The following DISP3 variants were observed in gnomAD, a reference collection of about 807,000 sequenced individuals.
DISP3 encodes the protein protein dispatched homolog 3.
DISP3 carries 101 observed loss-of-function variants against 135.3 expected under a neutral mutation model. The ratio of observed to expected loss-of-function variants is 0.75; its 90% CI spans 0.64 to 0.88. DISP3 has a LOEUF of 0.88. Ranked by LOEUF, DISP3 falls within the 40% of genes least tolerant of loss-of-function variation. The pLI is 0.00. For synonymous variants in DISP3, 856 were observed against 817.0 expected (o/e 1.05, Z -0.81); for missense variants, 1,713 against 1,878.6 (o/e 0.91, Z 1.63).
chr1:11,513,286 A>AAAAT lies in DISP3; in HGVS notation c.1317-1088_1317-1085dup, dbSNP rs895680459. 2.0e-5 allele frequency among the ~76,000 whole-genome samples: 3 copies of AAAAT among 152,336 alleles called. No individual in the cohort carries two copies. The South Asian group carries it at 6.2e-4, about 32-fold the overall frequency. ...GTGACAAAGTGAGACCCTGGCTCAA[A>AAAAT]AAATAAATAAATAAATAAAATCTCT... On this transcript the variant is annotated intron_variant, in intron 3 of 20. Transcript: ENST00000294484.
chr1:11,485,345 G>A (rs1641009046), intron 1 of DISP3, among the ~76,000 whole-genome samples: 3 of 152,190 alleles, frequency 2.0e-5, no homozygotes, highest in Admixed American at 2.0e-4. Flanking sequence ...AGTGGAGAAG[G>A]CTCACTCCGC....
chr1:11,521,110 C>G (rs1027074566), intron 10 of DISP3, among the ~76,000 whole-genome samples: 2 of 151,966 alleles, frequency 1.3e-5, no homozygotes, highest in Non-Finnish European at 2.9e-5. Context: ...CTCTAGGGCC[C>G]GGTCACTGTA....
In DISP3 at chr1:11,519,994, G is replaced by T; in HGVS notation, c.2200+114G>T. ...CCCCAGGGTCAGAGGCCTGGGCTGG[G>T]GTCTCTCCCTCTCTGACCCCCCCTC... On this transcript the variant is annotated intron_variant, in intron 9 of 20. Coordinates refer to ENST00000294484, the MANE Select transcript of DISP3 (RefSeq NM_020780.2). This position sits in a 1 kb window ranked among gnomAD's most constrained non-coding sequence, Gnocchi z 4.3. The T allele has an allele frequency of 9.3e-7, 1 of 1,070,086 alleles. No individual in the cohort carries two copies. The highest frequency in any genetic ancestry group is 1.3e-6 in the Non-Finnish European group (1 of 753,378). 66.3% of individuals were successfully genotyped at this position (1,070,086 alleles called of 1,614,324 possible).
At chr1:11,517,313 G>A (rs1413517271) in intron 6 of DISP3, 150 bp from the exon 7 acceptor site, 1 of 1,017,388 alleles carries the variant, frequency 9.8e-7, no homozygotes, top group African/African-American at 1.6e-5. Context: ...TGAGGCTAGT[G>A]CCTGGCATTC....
At position 11,525,255 on chromosome 1, in the gene DISP3, C is replaced by T; in HGVS notation, c.2556C>T (p.Ser852=). ...PAVYRLSLNA[S]LPAPWQAVSP... is the part of the protein sequence containing the mutation. ...TCTACAGGCTCTCCCTCAATGCCAG[C>T]CTGCCTGCTCCTTGGCAGGCTGTGT... The change falls in exon 12 of 21, where the codon AGC becomes AGT. Residue 852 remains serine, a synonymous_variant. Transcript: ENST00000294484. 2 of 1,614,100 alleles carry T rather than the reference C, an allele frequency of 1.2e-6. No homozygotes were observed. The highest frequency in any genetic ancestry group is 1.7e-6 in the Non-Finnish European group (2 of 1,179,970).
intron 10 of DISP3, among the ~76,000 whole-genome samples, chr1:11,523,652 A>G (rs3895167): frequency 0.52 from 61,254 of 118,648 alleles, 18,891 homozygotes; most frequent in Admixed American, 0.66. Flanking sequence ...GCACAGAGAC[A>G]GCAAGCAGGG....
At position 11,529,939 on chromosome 1, in the gene DISP3, AACC is replaced by A; in HGVS notation, c.3085_3087del (p.His1029del). 1 of 1,613,434 alleles carries A rather than the reference AACC, an allele frequency of 6.2e-7. No homozygotes were observed. The highest frequency in any genetic ancestry group is 2.2e-5 in the East Asian group (1 of 44,886). On this transcript the variant is annotated inframe_deletion, in exon 15 of 21. Transcript: ENST00000294484. This position sits in a 1 kb window ranked among gnomAD's most constrained non-coding sequence, Gnocchi z 4.7. The stretch of plus-strand genomic sequence containing the variant: ...CGTCAACCGCACTCGGCAGGTGGAC[AACC>A]ACGTCATTGGAGACCCGGTACGGGG...
Position 11,501,777 on chromosome 1 carries a change from A to T in DISP3, c.785A>T (p.Tyr262Phe). ...GASRWDYSRA[Y>F]VSANTQTHAH... ...TCGCGCTGGGACTACTCGCGCGCCTATGTGAGTGCCAACACTCAGACGCAC... is the reference window on the plus strand; with the variant it reads ...TCGCGCTGGGACTACTCGCGCGCCTTTGTGAGTGCCAACACTCAGACGCAC... Residue 262 changes from tyrosine to phenylalanine, a missense_variant, in exon 2 of 21, where the codon TAT (tyrosine) becomes TTT (phenylalanine). Coordinates refer to ENST00000294484, the MANE Select transcript of DISP3 (RefSeq NM_020780.2). The surrounding 1 kb of genome is among the most constrained non-coding windows in gnomAD (Gnocchi z 4.9). 1 of 1,597,396 alleles carries T rather than the reference A, an allele frequency of 6.3e-7. No homozygotes were observed. The highest frequency in any genetic ancestry group is 8.5e-7 in the Non-Finnish European group (1 of 1,170,002).
Position 11,536,188 on chromosome 1 carries a change from C to G in DISP3, c.3817-136C>G. ...CTACCTGGTTCCTACCCTCCCAACC[C>G]TGGGAGGCCACTTGCAGCTCTCATC... is the stretch of plus-strand genomic sequence containing the variant. On this transcript the variant is annotated intron_variant, in intron 20 of 20. Coordinates refer to ENST00000294484, the MANE Select transcript of DISP3 (RefSeq NM_020780.2). The surrounding 1 kb of genome is among the most constrained non-coding windows in gnomAD (Gnocchi z 4.3). 7.6e-7 allele frequency: 1 copy of G among 1,314,312 alleles called. No homozygotes were observed. Among genetic ancestry groups the G allele is most frequent in the Non-Finnish European group, 1.0e-6 (1 of 987,352 alleles). 81.4% of individuals were successfully genotyped at this position (1,314,312 alleles called of 1,614,324 possible).
intron 1 of DISP3, among the ~76,000 whole-genome samples, chr1:11,494,972 G>A (rs547429792): frequency 6.6e-6 from 1 of 152,284 alleles, no homozygotes; most frequent in Admixed American, 6.5e-5. Flanking sequence ...GGAGAGGAGT[G>A]AGGCCTGGCA....
intron 3 of DISP3, among the ~76,000 whole-genome samples, chr1:11,511,062 T>C (rs1293292467): frequency 6.6e-6 from 1 of 152,208 alleles, no homozygotes; most frequent in Admixed American, 6.5e-5. Flanking sequence ...CCGCCATGAT[T>C]CAATTACCTC....
Position 11,516,143 on chromosome 1 carries a change from A to G in DISP3, c.1731A>G (p.Ala577=), listed in dbSNP as rs774824064. 3.7e-6 allele frequency: 6 copies of G among 1,613,934 alleles called. No individual in the cohort carries two copies. The highest frequency in any genetic ancestry group is 5.1e-6 in the Non-Finnish European group (6 of 1,179,972). Residue 577 remains alanine, a synonymous_variant, in exon 6 of 21, where the codon GCA becomes GCG. Coordinates refer to ENST00000294484, the MANE Select transcript of DISP3 (RefSeq NM_020780.2). This position sits in a 1 kb window ranked among gnomAD's most constrained non-coding sequence, Gnocchi z 5.1. ...CCCTGACCACAGCCGCCGCCTACGC[A>G]GCTAACGTCTTCTCCCAGGTGCGGA... ...FTSLTTAAAY[A]ANVFSQIPAV...
chr1:11,525,223 C>T lies in DISP3; in HGVS notation c.2524C>T (p.Pro842Ser). ...CTCTAAAGTGAAGAGTCAAGGCCAC[C>T]CCGCTGTCTACAGGCTCTCCCTCAA... is the stretch of plus-strand genomic sequence containing the variant. ...YISKVKSQGHPAVYRLSLNAS... is the reference protein window; with the variant it reads ...YISKVKSQGHSAVYRLSLNAS... The change falls in exon 12 of 21, where the codon CCC becomes TCC. Residue 842 changes from proline (P) to serine (S), a missense_variant. Around this residue, in one of 2 missense-constraint regions of DISP3, gnomAD observed 1,142 missense variants for 1,384.6 expected, o/e 0.82. Transcript: ENST00000294484. The T allele has an allele frequency of 6.2e-7, 1 of 1,614,092 alleles. No individual in the cohort carries two copies. The highest frequency in any genetic ancestry group is 8.5e-7 in the Non-Finnish European group (1 of 1,179,954).
intron 1 of DISP3, among the ~76,000 whole-genome samples, chr1:11,489,465 G>A (rs1641124437): frequency 6.6e-6 from 1 of 152,232 alleles, no homozygotes; most frequent in Non-Finnish European, 1.5e-5. Flanking sequence ...CTATTCAGCT[G>A]TTCTTGCCAC....
intron 13 of DISP3, among the ~76,000 whole-genome samples, chr1:11,527,179 C>G (rs1642444975): frequency 6.6e-6 from 1 of 152,124 alleles, no homozygotes; most frequent in African/African-American, 2.4e-5. Context: ...AGGTGATTCA[C>G]CTGCCTTGGC....
intron 1 of DISP3, among the ~76,000 whole-genome samples, chr1:11,498,086 A>T (rs1347708716): frequency 1.3e-5 from 2 of 152,230 alleles, no homozygotes; most frequent in Non-Finnish European, 2.9e-5. Context: ...AAATCCAGCA[A>T]ATGCTGTCTG....
Position 11,501,551 on chromosome 1 carries a change from C to G in DISP3, c.559C>G (p.Arg187Gly). ...AASLGGPGPY[R>G]DTSAAQKPTA... ...CTCACTCGGTGGCCCAGGCCCTTACCGGGACACTTCCGCGGCTCAAAAGCC... is the reference window on the plus strand; with the variant it reads ...CTCACTCGGTGGCCCAGGCCCTTACGGGGACACTTCCGCGGCTCAAAAGCC... The change falls in exon 2 of 21, where the codon CGG becomes GGG. Residue 187 changes from arginine (R) to glycine (G), a missense_variant. Coordinates refer to ENST00000294484, the MANE Select transcript of DISP3 (RefSeq NM_020780.2). This position sits in a 1 kb window ranked among gnomAD's most constrained non-coding sequence, Gnocchi z 4.9. The G allele has an allele frequency of 5.7e-6, 9 of 1,589,284 alleles. No homozygotes were observed. The highest frequency in any genetic ancestry group is 7.7e-6 in the Non-Finnish European group (9 of 1,166,148).
chr1:11,516,103 C>T lies in DISP3; in HGVS notation c.1691C>T (p.Ala564Val), dbSNP rs1452955076. ...CACACCGTCCAAACTGCAGGCAAGG[C>T]CACCTTCTTCACCTCCCTGACCACA... ...MIHTVQTAGK[A>V]TFFTSLTTAA... Residue 564 changes from alanine (A) to valine (V), a missense_variant, in exon 6 of 21, where the codon GCC (alanine) becomes GTC (valine). Coordinates refer to ENST00000294484, the MANE Select transcript of DISP3 (RefSeq NM_020780.2). The surrounding 1 kb of genome is among the most constrained non-coding windows in gnomAD (Gnocchi z 5.1). 1 of 1,614,056 alleles carries T rather than the reference C, an allele frequency of 6.2e-7. No homozygotes were observed. The highest frequency in any genetic ancestry group is 8.5e-7 in the Non-Finnish European group (1 of 1,180,016).
intron 1 of DISP3, among the ~76,000 whole-genome samples, chr1:11,497,163 G>GCCC (rs1641357340): frequency 6.6e-6 from 1 of 152,150 alleles, no homozygotes; most frequent in African/African-American, 2.4e-5. Flanking sequence ...GGATCTGACT[G>GCCC]CCCTTTCTGT....
Sources: gnomAD v4.1 joint callset for allele counts (sites outside exome capture counted in the v4.1 genomes callset) on GRCh38, gnomAD v4.1.1 for gene constraint, gnomAD v4.1.1 regional missense constraint, Gnocchi (gnomAD v3.1) non-coding constraint, MANE v1.5 for transcripts, NCBI Gene and HGNC (gene_info 2026-07-23, HGNC 2026-07-21) for gene names.